The following PKIB variants were observed in gnomAD, a reference collection of about 807,000 sequenced individuals.
PKIB encodes cAMP-dependent protein kinase inhibitor beta, also known as PKI-beta.
Under a neutral mutation model 4.5 loss-of-function variants are expected in PKIB, and 2 were observed. That is an observed-to-expected ratio of 0.44 (90% CI 0.18 to 1.39). The LOEUF is 1.39. Ranked by LOEUF, PKIB falls within the 40% of genes most tolerant of loss-of-function variation. The probability of loss-of-function intolerance (pLI) is 0.27; values close to 1 mark genes in which losing one functional copy is unlikely to be tolerated. For missense variants in PKIB, 94 were observed against 92.6 expected (o/e 1.02, Z -0.06); for synonymous variants, 38 against 36.0 (o/e 1.06, Z -0.20).
intron 2 of PKIB, among the ~76,000 whole-genome samples, chr6:122,652,227 T>C (rs1168498622): frequency 2.6e-5 from 4 of 152,034 alleles, no homozygotes; most frequent in African/African-American, 9.7e-5. Flanking sequence ...AGGTGCAATT[T>C]ATGGAGAATG....
chr6:122,567,656 T>C (rs1471657799), intron 2 of PKIB, among the ~76,000 whole-genome samples: 1 of 152,224 alleles, frequency 6.6e-6, no homozygotes, highest in East Asian at 1.9e-4. Context: ...AACGAATTTA[T>C]AAGTAGAGTA....
At chr6:122,536,921 A>G (rs1371297137) in intron 2 of PKIB, among the ~76,000 whole-genome samples, 8 of 145,254 alleles carry the variant, frequency 5.5e-5, no homozygotes, top group African/African-American at 1.8e-4. Flanking sequence ...TTTTTAACCA[A>G]CGAACCTCAA....
intron 3 of PKIB, among the ~76,000 whole-genome samples, chr6:122,681,632 T>A (rs1777899264): frequency 6.6e-6 from 1 of 152,150 alleles, no homozygotes; most frequent in South Asian, 2.1e-4. Context: ...AAAACAAAAC[T>A]TGGAAATGGC....
chr6:122,520,795 C>A (rs959879014), intron 2 of PKIB, among the ~76,000 whole-genome samples: 2 of 152,142 alleles, frequency 1.3e-5, no homozygotes, highest in South Asian at 2.1e-4. Flanking sequence ...ACAATCAACA[C>A]ATTTTTTGCC....
chr6:122,546,233 C>T (rs565754229), intron 2 of PKIB, among the ~76,000 whole-genome samples: 1 of 152,148 alleles, frequency 6.6e-6, no homozygotes, highest in Admixed American at 6.5e-5. Flanking sequence ...TCTAATGAAC[C>T]CTAGGGTCTT....
At chr6:122,724,799 C>T (rs550252530) in intron 4 of PKIB, among the ~76,000 whole-genome samples, 28 of 152,262 alleles carry the variant, frequency 1.8e-4, no homozygotes, top group African/African-American at 6.3e-4. Context: ...TTGGCCCAAG[C>T]TCAAGTTGTG....
intron 3 of PKIB, among the ~76,000 whole-genome samples, chr6:122,689,158 T>C (rs1778223428): frequency 1.3e-5 from 2 of 152,242 alleles, no homozygotes; most frequent in South Asian, 4.1e-4. Context: ...GTCTTCTCTC[T>C]TTTTTTCTTA....
intron 2 of PKIB, among the ~76,000 whole-genome samples, chr6:122,574,712 C>T (rs1440981026): frequency 6.6e-6 from 1 of 152,092 alleles, no homozygotes; most frequent in Non-Finnish European, 1.5e-5. Context: ...AAGAATGAAA[C>T]TAGATCCTCA....
intron 2 of PKIB, among the ~76,000 whole-genome samples, chr6:122,577,908 C>CAA (rs530700134): frequency 5.4e-5 from 4 of 74,216 alleles, no homozygotes; most frequent in Non-Finnish European, 1.1e-4. Flanking sequence ...GACTCCGTCT[C>CAA]AAAAAAAAAA....
At chr6:122,678,510 G>A (rs1400957378) in intron 3 of PKIB, among the ~76,000 whole-genome samples, 1 of 151,926 alleles carries the variant, frequency 6.6e-6, no homozygotes, top group South Asian at 2.1e-4. Context: ...TTTCTGTTTT[G>A]TTTTGTTTTG....
chr6:122,710,117 T>C (rs1779212449), intron 3 of PKIB, among the ~76,000 whole-genome samples: 2 of 152,172 alleles, frequency 1.3e-5, no homozygotes, highest in Admixed American at 1.3e-4. Flanking sequence ...CATTGATTTA[T>C]TGATTGTATT....
At chr6:122,539,164 A>G (rs974365259) in intron 2 of PKIB, among the ~76,000 whole-genome samples, 3 of 152,076 alleles carry the variant, frequency 2.0e-5, no homozygotes, top group East Asian at 1.9e-4. Context: ...CTAACTGAAT[A>G]CCCTTTATTT....
chr6:122,555,171 G>T (rs1162550509), intron 2 of PKIB, among the ~76,000 whole-genome samples: 1 of 152,128 alleles, frequency 6.6e-6, no homozygotes, highest in East Asian at 1.9e-4. Context: ...CACTGGTTTG[G>T]GGGAATAAGA....
chr6:122,504,521 T>C (rs1023141344), intron 2 of PKIB, among the ~76,000 whole-genome samples: 1 of 152,212 alleles, frequency 6.6e-6, no homozygotes, highest in African/African-American at 2.4e-5. Flanking sequence ...CCTTGGAACT[T>C]GATGTCAGTC....
At chr6:122,703,395 A>G (rs1778913436) in intron 3 of PKIB, among the ~76,000 whole-genome samples, 1 of 152,158 alleles carries the variant, frequency 6.6e-6, no homozygotes. Flanking sequence ...AAAACCCCAC[A>G]GAAAAAAGAC....
chr6:122,607,313 AAAAACAAAACAAAAC>A (rs559171249), upstream of PKIB, among the ~76,000 whole-genome samples: 1 of 151,936 alleles, frequency 6.6e-6, no homozygotes, highest in African/African-American at 2.4e-5. Context: ...GTCTCTACAA[AAAAACAAAACAAAAC>A]AAAACAAAAC....
chr6:122,686,446 GTCT>G (rs1269232362), intron 3 of PKIB, among the ~76,000 whole-genome samples: 1 of 151,716 alleles, frequency 6.6e-6, no homozygotes, highest in Non-Finnish European at 1.5e-5. Flanking sequence ...CCATTTGTAT[GTCT>G]TCTTTTGAGA....
At chr6:122,664,642 T>C (rs970212528) in intron 2 of PKIB, among the ~76,000 whole-genome samples, 12 of 152,142 alleles carry the variant, frequency 7.9e-5, no homozygotes, top group Non-Finnish European at 1.5e-4. Context: ...GCAATCCTCC[T>C]ACCTCAGCCT....
chr6:122,707,980 G>A (rs546767527), intron 3 of PKIB, among the ~76,000 whole-genome samples: 3 of 152,084 alleles, frequency 2.0e-5, no homozygotes, highest in Non-Finnish European at 4.4e-5. Context: ...ATGTTGAAAA[G>A]TGGAAAGACA....
Sources: gnomAD v4.1 joint callset for allele counts (sites outside exome capture counted in the v4.1 genomes callset) on GRCh38, gnomAD v4.1.1 for gene constraint, MANE v1.5 for transcripts, NCBI Gene and HGNC (gene_info 2026-07-23, HGNC 2026-07-21) for gene names.